Variants in TENM2 observed in about 807,000 individuals in gnomAD.
TENM2 encodes the protein teneurin-2.
Under a neutral mutation model 245.2 loss-of-function variants are expected in TENM2, and 52 were observed. The ratio of observed to expected loss-of-function variants is 0.21; its 90% CI spans 0.17 to 0.27. The LOEUF is 0.27. Among genes scored for constraint, TENM2 ranks in the 10% least tolerant of loss-of-function variants. TENM2 has a pLI of 1.00. For missense variants in TENM2, 3,046 were observed against 3,666.8 expected, an observed-to-expected ratio of 0.83 and a Z score of 4.37; for synonymous variants, 1,363 against 1,438.9, an observed-to-expected ratio of 0.95 and a Z score of 1.19.
At chr5:168,196,502 C>A (rs1299676188) in intron 15 of TENM2, among the ~76,000 whole-genome samples, 1 of 152,192 alleles carries the variant, frequency 6.6e-6, no homozygotes, top group Non-Finnish European at 1.5e-5. Flanking sequence ...ACTCTTCTTG[C>A]CCAGGCTGGA....
chr5:167,017,515 G>C, the TENM2 span, among the ~76,000 whole-genome samples: 1 of 152,128 alleles, frequency 6.6e-6, no homozygotes, highest in African/African-American at 2.4e-5. Context: ...GCTGTGTTCT[G>C]TAAAACTTTA....
At chr5:168,129,222 C>T (rs147929143) in intron 12 of TENM2, 1 of 152,068 alleles carries the variant, frequency 6.6e-6, no homozygotes, top group Non-Finnish European at 1.5e-5. Context: ...AATTGGCCAA[C>T]AAGAGAACAT....
intron 2 of TENM2, among the ~76,000 whole-genome samples, chr5:167,712,581 A>G (rs954924063): frequency 1.2e-4 from 18 of 152,208 alleles, no homozygotes; most frequent in Non-Finnish European, 4.4e-5. Context: ...ACTATCTGAG[A>G]CACCTGGTAA....
At chr5:167,449,233 A>G (rs376522304) in intron 2 of TENM2, among the ~76,000 whole-genome samples, 1 of 98,198 alleles carries the variant, frequency 1.0e-5, no homozygotes, top group Non-Finnish European at 2.8e-5. Context: ...TTGATGTTTC[A>G]GACAACAATG....
chr5:167,998,557 T>G (rs553956432), intron 5 of TENM2, among the ~76,000 whole-genome samples: 90 of 152,228 alleles, frequency 5.9e-4, no homozygotes, highest in South Asian at 2.5e-3. Context: ...ATACGCAACA[T>G]ACACTGAGCT....
At chr5:167,786,507 G>A (rs577727567) in intron 2 of TENM2, among the ~76,000 whole-genome samples, 1 of 152,158 alleles carries the variant, frequency 6.6e-6, no homozygotes, top group South Asian at 2.1e-4. Context: ...TTTCTTAATG[G>A]ATACAAACAA....
chr5:167,273,623 T>C, the TENM2 span, among the ~76,000 whole-genome samples: 1 of 152,174 alleles, frequency 6.6e-6, no homozygotes, highest in Admixed American at 6.5e-5. Flanking sequence ...GTTGCTTATA[T>C]TGTAACTAGC....
chr5:167,935,960 C>A (rs986250896), intron 3 of TENM2, among the ~76,000 whole-genome samples: 1 of 152,084 alleles, frequency 6.6e-6, no homozygotes, highest in Non-Finnish European at 1.5e-5. Flanking sequence ...CTGTGAGCAC[C>A]CTTAGGCTTC....
the TENM2 span, among the ~76,000 whole-genome samples, chr5:167,097,758 C>A: frequency 6.6e-6 from 1 of 152,290 alleles, no homozygotes; most frequent in South Asian, 2.1e-4. Context: ...AAAAGACAGG[C>A]CCTTTCTAAA....
chr5:167,132,734 T>C, the TENM2 span, among the ~76,000 whole-genome samples: 2 of 152,210 alleles, frequency 1.3e-5, no homozygotes, highest in Non-Finnish European at 2.9e-5. Context: ...TTCGGTGAAA[T>C]ATTATTTTAA....
chr5:167,426,276 A>G (rs930268761), intron 2 of TENM2, among the ~76,000 whole-genome samples: 2 of 152,170 alleles, frequency 1.3e-5, no homozygotes, highest in Non-Finnish European at 2.9e-5. Flanking sequence ...AAATATGCGC[A>G]CTTCTATTCA....
At chr5:168,068,983 T>C (rs116177271) in intron 7 of TENM2, among the ~76,000 whole-genome samples, 4 of 152,252 alleles carry the variant, frequency 2.6e-5, no homozygotes, top group African/African-American at 9.6e-5. Flanking sequence ...ATACTTTGTG[T>C]TTTTGTGCAA....
intron 2 of TENM2, among the ~76,000 whole-genome samples, chr5:167,638,454 G>A (rs986698227): frequency 1.3e-5 from 2 of 152,136 alleles, no homozygotes; most frequent in Non-Finnish European, 1.5e-5. Flanking sequence ...GATTGATGGT[G>A]AGTAAGAGAA....
At chr5:167,766,833 C>A (rs376561947) in intron 2 of TENM2, among the ~76,000 whole-genome samples, 1 of 151,972 alleles carries the variant, frequency 6.6e-6, no homozygotes, top group Non-Finnish European at 1.5e-5. Flanking sequence ...GAGCCAAGAT[C>A]GTGCCACTAC....
At chr5:168,043,032 A>G (rs188829455) in intron 5 of TENM2, among the ~76,000 whole-genome samples, 1 of 152,264 alleles carries the variant, frequency 6.6e-6, no homozygotes, top group African/African-American at 2.4e-5. Context: ...GAGGAATGTT[A>G]GGGAGAGGGC....
chr5:168,162,173 A>G (rs1336425091), intron 12 of TENM2, among the ~76,000 whole-genome samples: 1 of 152,228 alleles, frequency 6.6e-6, no homozygotes, highest in Admixed American at 6.5e-5. Context: ...GATGGCGGGC[A>G]CTTTGCCTCC....
intron 9 of TENM2, among the ~76,000 whole-genome samples, chr5:168,098,798 C>T (rs574267619): frequency 1.3e-5 from 2 of 152,232 alleles, no homozygotes; most frequent in African/African-American, 4.8e-5. Flanking sequence ...GACACAGACA[C>T]AGATACACAG....
intron 3 of TENM2, among the ~76,000 whole-genome samples, chr5:167,940,332 C>T (rs6882229): frequency 0.091 from 13,882 of 152,064 alleles, 1,221 homozygotes; most frequent in African/African-American, 0.23. Flanking sequence ...ACTCCAAGAG[C>T]CAGGGATTCA....
the TENM2 span, among the ~76,000 whole-genome samples, chr5:167,230,079 T>C: frequency 6.6e-6 from 1 of 152,128 alleles, no homozygotes; most frequent in African/African-American, 2.4e-5. Flanking sequence ...CAGAATGCAG[T>C]CTGGTGTGAG....
Sources: gnomAD v4.1 joint callset for allele counts (sites outside exome capture counted in the v4.1 genomes callset) on GRCh38, gnomAD v4.1.1 for gene constraint, MANE v1.5 for transcripts, NCBI Gene and HGNC (gene_info 2026-07-23, HGNC 2026-07-21) for gene names.